Variants in SRD5A2 observed in about 807,000 individuals in gnomAD.
SRD5A2 encodes steroid 5 alpha-reductase 2, also known as 3-oxo-5-alpha-steroid 4-dehydrogenase 2.
A neutral mutation model predicts 27.4 loss-of-function variants in SRD5A2; 30 were observed. That is an observed-to-expected ratio of 1.10 (90% CI 0.82 to 1.49). SRD5A2 has a LOEUF of 1.49. Ranked by LOEUF, SRD5A2 falls within the 40% of genes most tolerant of loss-of-function variation. The pLI, the probability that SRD5A2 is intolerant of heterozygous loss-of-function variation, is 0.00. For synonymous variants in SRD5A2, 141 were observed against 133.6 expected (o/e 1.06, Z -0.38); for missense variants, 348 against 323.4 (o/e 1.08, Z -0.58).
At chr2:31,631,514 T>C in the SRD5A2 span, among the ~76,000 whole-genome samples, 1 of 152,170 alleles carries the variant, frequency 6.6e-6, no homozygotes, top group Non-Finnish European at 1.5e-5. Context: ...ACCCCTAAGA[T>C]GTATTCTGGA....
upstream of SRD5A2, among the ~76,000 whole-genome samples, chr2:31,583,628 ACAAAAAAAAAGC>A (rs1558379400): frequency 1.6e-3 from 49 of 30,380 alleles, no homozygotes; most frequent in Middle Eastern, 0.024. Context: ...AAAAAAAAAA[ACAAAAAAAAAGC>A]AAAAAAAAAA....
At chr2:31,579,079 C>G (rs1259390957) in intron 1 of SRD5A2, among the ~76,000 whole-genome samples, 1 of 152,188 alleles carries the variant, frequency 6.6e-6, no homozygotes, top group African/African-American at 2.4e-5. Context: ...ATTAAACCAT[C>G]TAAATCTGAG....
the SRD5A2 span, among the ~76,000 whole-genome samples, chr2:31,641,835 A>G: frequency 1.3e-5 from 2 of 152,138 alleles, no homozygotes; most frequent in African/African-American, 2.4e-5. Flanking sequence ...TTAACTTCCA[A>G]TTAATCTACA....
chr2:31,647,207 G>C, the SRD5A2 span, among the ~76,000 whole-genome samples: 2 of 152,044 alleles, frequency 1.3e-5, no homozygotes, highest in Non-Finnish European at 2.9e-5. Flanking sequence ...TAGTGGAAGA[G>C]GAATATAGAA....
chr2:31,554,515 C>T (rs1184741015), intron 1 of SRD5A2, among the ~76,000 whole-genome samples: 1 of 152,070 alleles, frequency 6.6e-6, no homozygotes, highest in African/African-American at 2.4e-5. Flanking sequence ...GGGAACACTG[C>T]CTCAGGAGAA....
chr2:31,529,096 G>GA (rs1174649189), intron 4 of SRD5A2, among the ~76,000 whole-genome samples: 1 of 152,166 alleles, frequency 6.6e-6, no homozygotes, highest in Non-Finnish European at 1.5e-5. Flanking sequence ...TTTGTTCTTA[G>GA]AAAAAATTTT....
the SRD5A2 span, among the ~76,000 whole-genome samples, chr2:31,652,441 A>T: frequency 3.9e-4 from 59 of 152,178 alleles, 2 homozygotes; most frequent in Admixed American, 3.8e-3. Context: ...ATTTTTTCTA[A>T]TCTAAAAAAA....
chr2:31,545,824 A>G (rs1026171523), intron 1 of SRD5A2, among the ~76,000 whole-genome samples: 14 of 152,326 alleles, frequency 9.2e-5, no homozygotes, highest in African/African-American at 3.4e-4. Flanking sequence ...TAACGATTCC[A>G]CATACATTTT....
the SRD5A2 span, among the ~76,000 whole-genome samples, chr2:31,616,876 C>T: frequency 6.6e-6 from 1 of 152,066 alleles, no homozygotes; most frequent in Non-Finnish European, 1.5e-5. Flanking sequence ...GTGTCCTCAC[C>T]CAAACCTTAT....
At chr2:31,578,870 G>A (rs1437787458) in intron 1 of SRD5A2, among the ~76,000 whole-genome samples, 2 of 152,058 alleles carry the variant, frequency 1.3e-5, no homozygotes, top group Non-Finnish European at 2.9e-5. Flanking sequence ...ACATTAATAT[G>A]ATTGTCACAA....
the SRD5A2 span, among the ~76,000 whole-genome samples, chr2:31,587,196 C>A: frequency 6.6e-6 from 1 of 152,134 alleles, no homozygotes; most frequent in African/African-American, 2.4e-5. Flanking sequence ...CAATAAGATA[C>A]CATCTCATTG....
chr2:31,555,029 A>G (rs1322357493), intron 1 of SRD5A2, among the ~76,000 whole-genome samples: 1 of 151,370 alleles, frequency 6.6e-6, no homozygotes, highest in Non-Finnish European at 1.5e-5. Context: ...GACATAAGGT[A>G]ATGTGCCCAA....
At chr2:31,651,578 T>C in the SRD5A2 span, 1 of 163,474 alleles carries the variant, frequency 6.1e-6, no homozygotes, top group Non-Finnish European at 1.4e-5. Context: ...AGACAAGATC[T>C]AGGATGGATC....
At chr2:31,641,776 G>T in the SRD5A2 span, among the ~76,000 whole-genome samples, 1 of 151,610 alleles carries the variant, frequency 6.6e-6, no homozygotes, top group African/African-American at 2.4e-5. Context: ...CCATTCCTGG[G>T]GGAAAAAAAC....
chr2:31,612,888 A>G, the SRD5A2 span, among the ~76,000 whole-genome samples: 195 of 152,350 alleles, frequency 1.3e-3, no homozygotes, highest in Admixed American at 4.3e-3. Flanking sequence ...ATTGATTTTC[A>G]ACAAAGGTGC....
At chr2:31,599,776 A>G in the SRD5A2 span, among the ~76,000 whole-genome samples, 2 of 151,994 alleles carry the variant, frequency 1.3e-5, no homozygotes, top group Admixed American at 6.6e-5. Flanking sequence ...ATGAGAAAAT[A>G]AATAATAAAT....
At chr2:31,614,437 T>C in the SRD5A2 span, among the ~76,000 whole-genome samples, 8 of 152,258 alleles carry the variant, frequency 5.3e-5, no homozygotes. Context: ...GCTCTGCCCC[T>C]GTGGCTTTGC....
Position 31,569,766 on chromosome 2 carries a change from T to C in SRD5A2, c.281+10854A>G, listed in dbSNP as rs150112083. ...TTCAAAATGTGTCATAGACCTGAAA[T>C]TAAAACCTAAAACTACAAATCTTGT... is the stretch of plus-strand genomic sequence containing the variant. On this transcript the variant is annotated intron_variant, in intron 1 of 4. Transcript: ENST00000622030. Among the ~76,000 whole-genome samples the C allele has an allele frequency of 9.3e-5, 14 of 151,014 alleles. No homozygotes were observed. In the South Asian group the frequency reaches 2.7e-3, roughly 29 times the overall value.
At chr2:31,548,069 C>T (rs1666300016) in intron 1 of SRD5A2, among the ~76,000 whole-genome samples, 1 of 151,976 alleles carries the variant, frequency 6.6e-6, no homozygotes, top group Admixed American at 6.6e-5. Context: ...TAGACCCTTA[C>T]CTAATACTAT....
Sources: gnomAD v4.1 joint callset for allele counts (sites outside exome capture counted in the v4.1 genomes callset) on GRCh38, gnomAD v4.1.1 for gene constraint, MANE v1.5 for transcripts, NCBI Gene and HGNC (gene_info 2026-07-23, HGNC 2026-07-21) for gene names.